Variants in STK32A observed in about 807,000 individuals in gnomAD.
STK32A encodes the protein serine/threonine kinase 32A, also known as serine/threonine-protein kinase 32A.
A neutral mutation model predicts 53.2 loss-of-function variants in STK32A; 41 were observed. The observed-to-expected ratio is 0.77, with a 90% CI of 0.60 to 1.00. STK32A has a LOEUF of 1.00. Ranked by LOEUF, STK32A falls within the 50% of genes least tolerant of loss-of-function variation. The pLI, the probability that STK32A is intolerant of heterozygous loss-of-function variation, is 0.00. For synonymous variants in STK32A, 166 were observed against 162.8 expected (o/e 1.02, Z -0.15); for missense variants, 458 against 485.8 (o/e 0.94, Z 0.54).
At chr5:147,240,779 A>G (rs1312148719) in intron 2 of STK32A, among the ~76,000 whole-genome samples, 1 of 152,226 alleles carries the variant, frequency 6.6e-6, no homozygotes, top group African/African-American at 2.4e-5. Context: ...TCTAGGCATA[A>G]GTAATCCAGG....
chr5:147,371,060 C>T (rs1454116291), intron 9 of STK32A, among the ~76,000 whole-genome samples: 7 of 152,162 alleles, frequency 4.6e-5, no homozygotes, highest in African/African-American at 1.4e-4. Flanking sequence ...AATCCACTTA[C>T]GCCAGCCAGC....
chr5:147,265,514 CAAAAT>C (rs947155578), intron 2 of STK32A, among the ~76,000 whole-genome samples: 16 of 152,088 alleles, frequency 1.1e-4, no homozygotes, highest in African/African-American at 3.9e-4. Context: ...TAGATTATAG[CAAAAT>C]AAAATAAAGT....
At chr5:147,277,041 C>T (rs187539975) in intron 2 of STK32A, among the ~76,000 whole-genome samples, 7 of 152,286 alleles carry the variant, frequency 4.6e-5, no homozygotes, top group African/African-American at 1.4e-4. Context: ...ATGTTTGACT[C>T]TCAGATATCT....
chr5:147,321,333 T>A (rs756367103), intron 4 of STK32A, among the ~76,000 whole-genome samples: 2 of 152,234 alleles, frequency 1.3e-5, no homozygotes, highest in African/African-American at 2.4e-5. Flanking sequence ...AATTGTGTTA[T>A]GTTCACATAT....
chr5:147,273,070 AG>A (rs1312840946), intron 2 of STK32A, among the ~76,000 whole-genome samples: 1 of 152,238 alleles, frequency 6.6e-6, no homozygotes, highest in Non-Finnish European at 1.5e-5. Flanking sequence ...ACCTTCTACA[AG>A]GGTCTTCTCT....
chr5:147,306,847 G>A (rs1753432680), intron 4 of STK32A, among the ~76,000 whole-genome samples: 1 of 152,104 alleles, frequency 6.6e-6, no homozygotes. Flanking sequence ...TTTATCAGTA[G>A]GGAAAGTGTC....
At chr5:147,267,484 A>G (rs921598964) in intron 2 of STK32A, among the ~76,000 whole-genome samples, 2 of 152,216 alleles carry the variant, frequency 1.3e-5, no homozygotes, top group African/African-American at 4.8e-5. Flanking sequence ...TAAAGTAGCA[A>G]TAATAATATT....
chr5:147,274,883 A>G lies in STK32A; in HGVS notation c.53-3241A>G, dbSNP rs531557879. Among the ~76,000 whole-genome samples, 4 of 152,300 alleles carry G rather than the reference A, an allele frequency of 2.6e-5. No individual in the cohort carries two copies. In the South Asian group the frequency reaches 8.3e-4, roughly 32 times the overall value. On this transcript the variant is annotated intron_variant, in intron 2 of 12. Coordinates refer to ENST00000397936, the MANE Select transcript of STK32A (RefSeq NM_001112724.2). ...TCTGTCTTCAGGGACTGTGCTCTTA[A>G]TCTCAGTGGTCATCAAACTTTTCTG...
At chr5:147,254,819 G>T (rs1008516904) in intron 2 of STK32A, among the ~76,000 whole-genome samples, 64 of 152,144 alleles carry the variant, frequency 4.2e-4, no homozygotes, top group Admixed American at 9.2e-4. Context: ...AATCAAAAAG[G>T]TTGCTTTATG....
chr5:147,397,766 A>C, the STK32A span: 2 of 1,614,082 alleles, frequency 1.2e-6, no homozygotes, highest in Non-Finnish European at 8.5e-7. Context: ...GCCATCTTCC[A>C]GCATGATCTT....
chr5:147,364,417 T>A (rs1756654234), intron 8 of STK32A, among the ~76,000 whole-genome samples: 1 of 152,156 alleles, frequency 6.6e-6, no homozygotes, highest in Non-Finnish European at 1.5e-5. Flanking sequence ...AATATCCATA[T>A]TTCTAGTGCA....
At chr5:147,264,733 G>T (rs1754730670) in intron 2 of STK32A, among the ~76,000 whole-genome samples, 1 of 152,002 alleles carries the variant, frequency 6.6e-6, no homozygotes, top group South Asian at 2.1e-4. Flanking sequence ...TGCCTAAAAT[G>T]AAAAAGAAAG....
chr5:147,260,477 T>C (rs1384789452), intron 2 of STK32A, among the ~76,000 whole-genome samples: 1 of 151,836 alleles, frequency 6.6e-6, no homozygotes, highest in African/African-American at 2.4e-5. Context: ...AAGGGGGGGT[T>C]TATGTGAGGT....
rs1753825317 is a variant in STK32A, at chr5:147,313,881, G to T, written c.261-10017G>T. Among the ~76,000 whole-genome samples the T allele has an allele frequency of 3.3e-5, 5 of 152,128 alleles. No individual in the cohort carries two copies. In the South Asian group the frequency reaches 1.0e-3, roughly 31 times the overall value. On this transcript the variant is annotated intron_variant, in intron 4 of 12. Transcript: ENST00000397936. The stretch of plus-strand genomic sequence containing the variant: ...ACTGTATATCCAAATGTAAAAGAAT[G>T]AAATTGGAACCCTACCTCACACCAT...
chr5:147,368,396 A>C (rs1218363992), intron 8 of STK32A, among the ~76,000 whole-genome samples: 1 of 152,174 alleles, frequency 6.6e-6, no homozygotes, highest in African/African-American at 2.4e-5. Flanking sequence ...TATGATATAT[A>C]CTGTGACTGC....
downstream of STK32A, chr5:147,391,404 G>C (rs1757794685): frequency 6.6e-6 from 1 of 152,586 alleles, no homozygotes; most frequent in African/African-American, 2.4e-5. Context: ...CCAAGCCCGT[G>C]GCCCTCAGAG....
At chr5:147,291,302 T>C (rs1334068616) in intron 4 of STK32A, among the ~76,000 whole-genome samples, 1 of 152,134 alleles carries the variant, frequency 6.6e-6, no homozygotes, top group Admixed American at 6.5e-5. Context: ...TCCCAGATGG[T>C]CCTGTCCCAC....
intron 5 of STK32A, among the ~76,000 whole-genome samples, chr5:147,331,058 T>C (rs1391395427): frequency 6.6e-6 from 1 of 152,176 alleles, no homozygotes; most frequent in Non-Finnish European, 1.5e-5. Flanking sequence ...CAGCTAATCA[T>C]TTTAGTCAAT....
chr5:147,249,057 C>T (rs565372035), intron 2 of STK32A, among the ~76,000 whole-genome samples: 11 of 152,134 alleles, frequency 7.2e-5, no homozygotes, highest in South Asian at 2.1e-4. Context: ...GTAGCAACTA[C>T]GACAAAGCTT....
Sources: allele counts gnomAD v4.1 joint callset (sites outside exome capture counted in the v4.1 genomes callset), GRCh38; gene constraint gnomAD v4.1.1; transcripts MANE v1.5; gene names NCBI Gene and HGNC (gene_info 2026-07-23, HGNC 2026-07-21).